Variants in BARD1 observed in about 807,000 individuals in gnomAD.
BARD1 encodes BRCA1 associated RING domain 1.
In BARD1, 73 loss-of-function variants were observed where a neutral mutation model predicts 77.0. That is an observed-to-expected ratio of 0.95 (90% CI 0.79 to 1.15). BARD1 has a LOEUF of 1.15. Ranked by LOEUF, BARD1 falls within the 50% of genes most tolerant of loss-of-function variation. BARD1 has a pLI of 0.00. For missense variants in BARD1, 993 were observed against 938.8 expected, an observed-to-expected ratio of 1.06 and a Z score of -0.75; for synonymous variants, 384 against 338.0, an observed-to-expected ratio of 1.14 and a Z score of -1.49.
Position 214,742,902 on chromosome 2 carries a change from C to T in BARD1, c.1903+2165G>A, listed in dbSNP as rs144326107. Among the ~76,000 whole-genome samples the T allele has an allele frequency of 7.7e-3, 1,170 of 152,278 alleles. 9 individuals carry two copies. The Middle Eastern group carries it at 0.078, about 10-fold the overall frequency. On this transcript the variant is annotated intron_variant, in intron 9 of 10. Transcript: ENST00000260947. ...TTATAACCACTGGAAAGGTTTCTGG[C>T]ACAGGTTTGATACAAAAGCATCCCT...
chr2:214,780,051 GT>G (rs1368745514), intron 4 of BARD1, among the ~76,000 whole-genome samples: 1 of 152,164 alleles, frequency 6.6e-6, no homozygotes, highest in Non-Finnish European at 1.5e-5. Flanking sequence ...TGATTGTAGG[GT>G]AAAAAGCAGC....
At chr2:214,786,954 C>CTCAA in intron 3 of BARD1, among the ~76,000 whole-genome samples, 1 of 152,014 alleles carries the variant, frequency 6.6e-6, no homozygotes, top group Non-Finnish European at 1.5e-5. Flanking sequence ...CTGATATAAT[C>CTCAA]TCAAGTCTAT....
chr2:214,749,280 A>G (rs1396309650), intron 7 of BARD1, among the ~76,000 whole-genome samples: 1 of 152,176 alleles, frequency 6.6e-6, no homozygotes, highest in Non-Finnish European at 1.5e-5. Context: ...TGTGACTGAA[A>G]AAGAGTGAGT....
intron 6 of BARD1, among the ~76,000 whole-genome samples, chr2:214,760,419 C>T (rs1179418437): frequency 6.6e-6 from 1 of 152,188 alleles, no homozygotes; most frequent in Non-Finnish European, 1.5e-5. Context: ...TCTCGAACTC[C>T]TGACCTCAAG....
At chr2:214,757,745 C>T (rs555774953) in intron 6 of BARD1, among the ~76,000 whole-genome samples, 11 of 152,110 alleles carry the variant, frequency 7.2e-5, no homozygotes, top group African/African-American at 2.4e-4. Context: ...GAAACAATGT[C>T]CTCACAGAAC....
Position 214,767,600 on chromosome 2 carries a change from T to C in BARD1, c.1450A>G (p.Lys484Glu), listed in dbSNP as rs1694273552. The C allele has an allele frequency of 6.2e-7, 1 of 1,613,968 alleles. No individual in the cohort carries two copies. Among genetic ancestry groups the C allele is most frequent in the Admixed American group, 1.7e-5 (1 of 59,988 alleles). Residue 484 changes from lysine to glutamate, a missense_variant, in exon 6 of 11, where the codon AAG (lysine) becomes GAG (glutamate). Coordinates refer to ENST00000260947, the MANE Select transcript of BARD1 (RefSeq NM_000465.4). ...LKVVELLLQH[K>E]ALVNTTGYQN... ...TACCCGGTGGTGTTCACCAATGCCT[T>C]ATGCTGGAGCAATAATTCCACTACC...
Position 214,781,266 on chromosome 2 carries a change from C to G in BARD1, c.608G>C (p.Gly203Ala), listed in dbSNP as rs1323808192. The change falls in exon 4 of 11, where the codon GGA (glycine) becomes GCA (alanine). Residue 203 changes from glycine to alanine, a missense_variant. Coordinates refer to ENST00000260947, the MANE Select transcript of BARD1 (RefSeq NM_000465.4). ...ERAKKASARSGKKQKKKTLAE... is the reference protein window; with the variant it reads ...ERAKKASARSAKKQKKKTLAE... ...TAAAGTTTTCTTTTTTTGCTTTTTTCCAGATCTTGCAGAAGCCTTTTTAGC... is the reference window on the plus strand; with the variant it reads ...TAAAGTTTTCTTTTTTTGCTTTTTTGCAGATCTTGCAGAAGCCTTTTTAGC... The G allele has an allele frequency of 1.9e-6, 3 of 1,594,096 alleles. No individual in the cohort carries two copies. The highest frequency in any genetic ancestry group is 2.6e-6 in the Non-Finnish European group (3 of 1,174,952).
rs760201905 is a variant in BARD1 at position 214,728,815 on chromosome 2, A to G, written c.2195T>C (p.Phe732Ser). The G allele has an allele frequency of 4.3e-6, 7 of 1,614,228 alleles. No homozygotes were observed. In the South Asian group the frequency reaches 7.7e-5, roughly 18 times the overall value. The change falls in exon 11 of 11, where the codon TTC (phenylalanine) becomes TCC (serine). Residue 732 changes from phenylalanine (F) to serine (S), a missense_variant. Physicochemically the swap from Phe to Ser is radical, Grantham distance 155. Transcript: ENST00000260947. ...YHARPDSDQR[F>S]CTQYIIYEDL... Reference sequence around the variant, plus strand: ...TTCATAGATGATATACTGTGTGCAGAAGCGCTGATCAGAATCGGGTCTCGC... The same window carrying G: ...TTCATAGATGATATACTGTGTGCAGGAGCGCTGATCAGAATCGGGTCTCGC...
At chr2:214,807,906 C>T (rs1696350231) in intron 1 of BARD1, among the ~76,000 whole-genome samples, 1 of 152,222 alleles carries the variant, frequency 6.6e-6, no homozygotes, top group Non-Finnish European at 1.5e-5. Context: ...TCTGTTATTG[C>T]AACTAGCAGT....
chr2:214,763,341 TGCTTTA>T, intron 6 of BARD1, among the ~76,000 whole-genome samples: 1 of 152,104 alleles, frequency 6.6e-6, no homozygotes, highest in Non-Finnish European at 1.5e-5. Flanking sequence ...CTATAATCAG[TGCTTTA>T]ACAGACTGTT....
chr2:214,763,000 A>C (rs1170520525), intron 6 of BARD1, among the ~76,000 whole-genome samples: 1 of 151,346 alleles, frequency 6.6e-6, no homozygotes, highest in Non-Finnish European at 1.5e-5. Flanking sequence ...GGAGGTTTTC[A>C]ACTTAAAATC....
intron 9 of BARD1, among the ~76,000 whole-genome samples, chr2:214,744,544 T>C (rs750327295): frequency 5.9e-5 from 9 of 152,216 alleles, no homozygotes; most frequent in Non-Finnish European, 1.2e-4. Context: ...TAGTTGGTAT[T>C]GTAGGAAAAA....
intron 6 of BARD1, among the ~76,000 whole-genome samples, chr2:214,758,021 C>G (rs540230140): frequency 6.6e-6 from 1 of 152,086 alleles, no homozygotes; most frequent in Non-Finnish European, 1.5e-5. Flanking sequence ...GAACTGTAAG[C>G]TATGGTCAGA....
At chr2:214,740,648 T>C (rs1574727206) in intron 9 of BARD1, among the ~76,000 whole-genome samples, 1 of 152,038 alleles carries the variant, frequency 6.6e-6, no homozygotes. Flanking sequence ...AAAATATGCA[T>C]TTTTTCCAGA....
intron 9 of BARD1, among the ~76,000 whole-genome samples, chr2:214,744,140 C>A (rs1326388580): frequency 6.6e-6 from 1 of 151,996 alleles, no homozygotes; most frequent in South Asian, 2.1e-4. Flanking sequence ...TTTTAAGTCC[C>A]AAGAGAATCC....
At chr2:214,808,184 C>A (rs1303912230) in intron 1 of BARD1, among the ~76,000 whole-genome samples, 5 of 152,054 alleles carry the variant, frequency 3.3e-5, no homozygotes, top group Non-Finnish European at 5.9e-5. Context: ...CAGAGGCGGG[C>A]GGATCACGAG....
At chr2:214,765,484 G>C (rs1694153244) in intron 6 of BARD1, among the ~76,000 whole-genome samples, 1 of 152,174 alleles carries the variant, frequency 6.6e-6, no homozygotes, top group Non-Finnish European at 1.5e-5. Flanking sequence ...CCAAGGCACA[G>C]AAATTAACCT....
chr2:214,765,939 TA>T (rs1419453342), intron 6 of BARD1, among the ~76,000 whole-genome samples: 2 of 152,172 alleles, frequency 1.3e-5, no homozygotes, highest in Non-Finnish European at 2.9e-5. Flanking sequence ...TAATTACCAA[TA>T]AAAAATTACG....
intron 10 of BARD1, among the ~76,000 whole-genome samples, chr2:214,729,258 G>A (rs898312636): frequency 2.0e-5 from 3 of 152,146 alleles, no homozygotes; most frequent in African/African-American, 7.2e-5. Context: ...CACATAGCCT[G>A]AAGTAATTTT....
Sources: gnomAD v4.1 joint callset for allele counts (sites outside exome capture counted in the v4.1 genomes callset) on GRCh38, gnomAD v4.1.1 for gene constraint, MANE v1.5 for transcripts, NCBI Gene and HGNC (gene_info 2026-07-23, HGNC 2026-07-21) for gene names.